CCM2L: variants seen among roughly 807,000 people sequenced by gnomAD.
CCM2L encodes CCM2 like scaffold protein.
A neutral mutation model predicts 54.1 loss-of-function variants in CCM2L; 36 were observed. The ratio of observed to expected loss-of-function variants is 0.67; its 90% CI spans 0.51 to 0.88. CCM2L has a LOEUF of 0.88. Ranked by LOEUF, CCM2L falls within the 40% of genes least tolerant of loss-of-function variation. CCM2L has a pLI of 0.00. For synonymous variants in CCM2L, 351 were observed against 359.3 expected, an observed-to-expected ratio of 0.98 and a Z score of 0.26; for missense variants, 700 against 812.1, an observed-to-expected ratio of 0.86 and a Z score of 1.68.
chr20:32,029,242 G>A, intron 8 of CCM2L, 118 bp downstream of exon 8: 1 of 1,442,064 alleles, frequency 6.9e-7, no homozygotes, highest in South Asian at 1.2e-5. Flanking sequence ...AGAGGTCAGA[G>A]CAGGAAATGA....
chr20:32,030,888 A>G, intron 9 of CCM2L, 113 bp from the exon 10 acceptor site: 1 of 951,084 alleles, frequency 1.1e-6, no homozygotes, highest in Non-Finnish European at 1.4e-6. Context: ...GCAAGGCCAC[A>G]CAGCCAGTGA....
At chr20:32,026,712 C>G (rs2064864290) in intron 7 of CCM2L, among the ~76,000 whole-genome samples, 1 of 151,856 alleles carries the variant, frequency 6.6e-6, no homozygotes, top group African/African-American at 2.4e-5. Context: ...CCCATCTCCA[C>G]CAAAAATACA....
Position 32,013,972 on chromosome 20 carries a change from A to G in CCM2L, c.31-932A>G, listed in dbSNP as rs115552716. Reference sequence around the variant, plus strand: ...GCTGGTCCAGGAATCTCATGTTGAGAAATGCTGTTCTAGATGGAACTCAAA... The same window carrying G: ...GCTGGTCCAGGAATCTCATGTTGAGGAATGCTGTTCTAGATGGAACTCAAA... On this transcript the variant is annotated intron_variant, in intron 1 of 9. Transcript: ENST00000452892. Among the ~76,000 whole-genome samples, 513 of 152,214 alleles carry G rather than the reference A, an allele frequency of 3.4e-3. 1 individual carries two copies. Among genetic ancestry groups the G allele is most frequent in the African/African-American group, 0.012 (490 of 41,518 alleles).
At chr20:32,030,153 C>T (rs2064907898) in intron 9 of CCM2L, among the ~76,000 whole-genome samples, 1 of 152,172 alleles carries the variant, frequency 6.6e-6, no homozygotes, top group Non-Finnish European at 1.5e-5. Context: ...GGCTAAGGAA[C>T]ATGTCCAAGG....
At chr20:32,015,612 A>G (rs1350265064) in intron 2 of CCM2L, among the ~76,000 whole-genome samples, 1 of 152,172 alleles carries the variant, frequency 6.6e-6, no homozygotes, top group East Asian at 1.9e-4. Context: ...GTGTGTGTGT[A>G]AGGTTGTGAT....
In CCM2L at chr20:32,023,000, C is replaced by T. The variant is rs183267503; in HGVS notation, c.1069+205C>T. 1.4e-4 allele frequency among the ~76,000 whole-genome samples: 21 copies of T among 152,246 alleles called. No individual in the cohort carries two copies. In the East Asian group the frequency reaches 4.0e-3, roughly 29 times the overall value. On this transcript the variant is annotated intron_variant, in intron 6 of 9. Transcript: ENST00000452892. ...TTTTCTTTTTTGAGACAGAGTCTCC[C>T]TCTGTTCCCCAGGCTGGAGTACAGT...
At chr20:32,018,888 G>C (rs1424619650) in intron 4 of CCM2L, 55 bp from the exon 5 acceptor site, 2 of 1,238,222 alleles carry the variant, frequency 1.6e-6, no homozygotes. Context: ...TCGGCGGGGC[G>C]GGGGGGTCTC....
At chr20:32,029,349 G>A (rs1455247484) in intron 8 of CCM2L, among the ~76,000 whole-genome samples, 1 of 152,144 alleles carries the variant, frequency 6.6e-6, no homozygotes, top group Middle Eastern at 3.2e-3. Flanking sequence ...ACCATTCTAA[G>A]CACCTTTCAT....
In CCM2L at chr20:32,017,826, T is replaced by A; in HGVS notation, c.225T>A (p.Thr75=). The A allele has an allele frequency of 6.2e-7, 1 of 1,614,132 alleles. No homozygotes were observed. The highest frequency in any genetic ancestry group is 2.2e-5 in the East Asian group (1 of 44,868). Residue 75 remains threonine, a synonymous_variant, in exon 3 of 10, where the codon ACT becomes ACA. Transcript: ENST00000452892. Reference sequence around the variant, plus strand: ...TCCTGGGCCACCTTACCTGGGTGACTTCCTCACTGAACCCCTCCAGTCGGG... The same window carrying A: ...TCCTGGGCCACCTTACCTGGGTGACATCCTCACTGAACCCCTCCAGTCGGG... ...VKFLGHLTWV[T]SSLNPSSRDE... is the part of the protein sequence containing the mutation.
At chr20:32,012,178 A>G (rs1378344470) in intron 1 of CCM2L, among the ~76,000 whole-genome samples, 2 of 152,140 alleles carry the variant, frequency 1.3e-5, no homozygotes, top group Non-Finnish European at 1.5e-5. Context: ...AGTACCCATA[A>G]GAATCACCTG....
At chr20:32,027,374 G>T (rs539461360) in intron 7 of CCM2L, among the ~76,000 whole-genome samples, 4 of 152,186 alleles carry the variant, frequency 2.6e-5, no homozygotes, top group Non-Finnish European at 4.4e-5. Flanking sequence ...TGATAATAGC[G>T]TTTGAACATT....
chr20:32,018,042 C>T lies in CCM2L; in HGVS notation c.346C>T (p.Arg116Cys). The T allele has an allele frequency of 2.5e-6, 4 of 1,613,824 alleles. No homozygotes were observed. The highest frequency in any genetic ancestry group is 2.2e-5 in the East Asian group (1 of 44,884). Residue 116 changes from arginine to cysteine, a missense_variant, in exon 4 of 10, where the codon CGC becomes TGC. Coordinates refer to ENST00000452892, the MANE Select transcript of CCM2L (RefSeq NM_001365692.1). Reference protein sequence around the residue: ...EQDSILSLSARCLLLTWRDNE... With the variant: ...EQDSILSLSACCLLLTWRDNE... ...GGACAGCATCCTGAGCCTGTCTGCC[C>T]GCTGCCTGCTGCTCACCTGGCGCGA... is the stretch of plus-strand genomic sequence containing the variant.
intron 8 of CCM2L, 26 bp downstream of exon 8, chr20:32,029,150 G>A (rs1568927568): frequency 4.3e-6 from 7 of 1,613,970 alleles, no homozygotes; most frequent in African/African-American, 1.3e-5. Context: ...TGGTGGGAAT[G>A]GCACAAGCAA....
intron 6 of CCM2L, 67 bp downstream of exon 6, chr20:32,022,862 G>A (rs992164523): frequency 6.4e-7 from 1 of 1,568,858 alleles, no homozygotes; most frequent in Non-Finnish European, 8.7e-7. Flanking sequence ...GAGGGAAGAT[G>A]TCCCAGGACT....
In CCM2L at chr20:32,015,859, C is replaced by CTTTTTTTTTTTT. The variant is rs199989562; in HGVS notation, c.198+792_198+803dup. ...CTTCCACCACTTAGGAGCTGTACTT[C>CTTTTTTTTTTTT]TTTTTTTTTTTTTTTGAGACAGAGT... On this transcript the variant is annotated intron_variant, in intron 2 of 9. Coordinates refer to ENST00000452892, the MANE Select transcript of CCM2L (RefSeq NM_001365692.1). Among the ~76,000 whole-genome samples, 721 of 127,766 alleles carry CTTTTTTTTTTTT rather than the reference C, an allele frequency of 5.6e-3. 43 individuals carry two copies. Among genetic ancestry groups the CTTTTTTTTTTTT allele is most frequent in the African/African-American group, 0.016 (508 of 31,048 alleles). The allele number at this position is 127,766 out of a possible 152,430, so 83.8% of individuals were successfully genotyped here. A position where few individuals can be genotyped will look rare whatever the true frequency, so the allele number is the denominator to read the frequency against.
At chr20:32,018,821 C>G in intron 4 of CCM2L, 122 bp from the exon 5 acceptor site, 3 of 1,149,152 alleles carry the variant, frequency 2.6e-6, no homozygotes, top group Non-Finnish European at 3.3e-6. Flanking sequence ...TACTTTAAAG[C>G]CGGGGGCGAG....
At chr20:32,011,989 G>A (rs2064699379) in intron 1 of CCM2L, among the ~76,000 whole-genome samples, 2 of 151,528 alleles carry the variant, frequency 1.3e-5, no homozygotes, top group Admixed American at 6.6e-5. Context: ...TCTAGCCACG[G>A]CAGACTGACT....
chr20:32,014,262 T>TATATATATATATA (rs571156611), intron 1 of CCM2L, among the ~76,000 whole-genome samples: 1 of 105,124 alleles, frequency 9.5e-6, no homozygotes, highest in Non-Finnish European at 2.0e-5. Context: ...TATATATATA[T>TATATATATATATA]TTTTTTTTTT....
At chr20:32,027,312 G>A (rs2122365725) in intron 7 of CCM2L, among the ~76,000 whole-genome samples, 1 of 152,314 alleles carries the variant, frequency 6.6e-6, no homozygotes, top group East Asian at 1.9e-4. Context: ...CATACTGTAT[G>A]CCCTTAGGCT....
Sources: allele counts gnomAD v4.1 joint callset (sites outside exome capture counted in the v4.1 genomes callset), GRCh38; gene constraint gnomAD v4.1.1; transcripts MANE v1.5; gene names NCBI Gene and HGNC (gene_info 2026-07-23, HGNC 2026-07-21).